LRRC37A2: variants seen among roughly 807,000 people sequenced by gnomAD.
The protein encoded by LRRC37A2 is leucine-rich repeat-containing protein 37A2.
A neutral mutation model predicts 68.8 loss-of-function variants in LRRC37A2; 9 were observed. The ratio of observed to expected loss-of-function variants is 0.13; its 90% confidence interval spans 0.08 to 0.23. The LOEUF is 0.23. Ranked by LOEUF, LRRC37A2 falls within the 10% of genes least tolerant of loss-of-function variation. The pLI is 1.00. For synonymous variants in LRRC37A2, 63 were observed against 367.6 expected (o/e 0.17, Z 9.48); for missense variants, 168 against 950.4 (o/e 0.18, Z 10.82).
chr17:46,755,389 A>G, the LRRC37A2 span: 6 of 1,600,916 alleles, frequency 3.7e-6, no homozygotes, highest in Non-Finnish European at 4.3e-6. Context: ...TACAACATTT[A>G]ATGACCATCA....
chr17:46,834,368 C>T, the LRRC37A2 span, among the ~76,000 whole-genome samples: 7 of 152,182 alleles, frequency 4.6e-5, no homozygotes, highest in Admixed American at 2.6e-4. Flanking sequence ...GGTTCTGCCT[C>T]TGGGAGAGGG....
chr17:46,814,047 C>T, the LRRC37A2 span, among the ~76,000 whole-genome samples: 3 of 152,204 alleles, frequency 2.0e-5, no homozygotes, highest in East Asian at 5.8e-4. Context: ...AAGTCCAGCT[C>T]CTGCCTCTTT....
chr17:46,691,306 A>C, the LRRC37A2 span, among the ~76,000 whole-genome samples: 5 of 76,756 alleles, frequency 6.5e-5, no homozygotes, highest in African/African-American at 2.7e-4. Flanking sequence ...TATTAAAACA[A>C]AGATTAGGCT....
the LRRC37A2 span, chr17:46,884,971 T>C: frequency 2.4e-6 from 1 of 418,612 alleles, no homozygotes; most frequent in South Asian, 1.7e-5. Flanking sequence ...AATAGTTATT[T>C]GCTCCCTCTT....
the LRRC37A2 span, among the ~76,000 whole-genome samples, chr17:46,982,277 C>G: frequency 7.9e-5 from 12 of 152,178 alleles, no homozygotes; most frequent in Non-Finnish European, 1.2e-4. Context: ...AAACCAACCC[C>G]TGGCTTTTGC....
the LRRC37A2 span, among the ~76,000 whole-genome samples, chr17:46,809,667 T>C: frequency 6.6e-6 from 1 of 152,184 alleles, no homozygotes; most frequent in Non-Finnish European, 1.5e-5. Context: ...CATCTTCCCA[T>C]GTGTCCCTGG....
the LRRC37A2 span, among the ~76,000 whole-genome samples, chr17:46,752,934 A>AT: frequency 6.6e-6 from 1 of 151,634 alleles, no homozygotes. Flanking sequence ...TGCCTGGCTA[A>AT]TTTTTTGTAT....
In LRRC37A2 at chr17:46,534,780, A is replaced by G. The variant is rs1320594906; in HGVS notation, c.2907-5396A>G. On this transcript the variant is annotated intron_variant, in intron 6 of 14. Coordinates refer to ENST00000576629, the Ensembl canonical transcript of LRRC37A2. ...CTTCCCAGAAGGGGCAGCCGGGCAG[A>G]GGCGCCCCCCCACCTCCCGGAGGGG... is the stretch of plus-strand genomic sequence containing the variant. 6.1e-5 allele frequency among the ~76,000 whole-genome samples: 9 copies of G among 147,668 alleles called. No individual in the cohort carries two copies. In the East Asian group the frequency reaches 1.2e-3, roughly 20 times the overall value.
At chr17:47,001,645 C>T in the LRRC37A2 span, among the ~76,000 whole-genome samples, 1 of 151,480 alleles carries the variant, frequency 6.6e-6, no homozygotes, top group Non-Finnish European at 1.5e-5. Context: ...GGTGATCCTG[C>T]TTCCTGCCCT....
At chr17:46,461,346 T>C in the LRRC37A2 span, among the ~76,000 whole-genome samples, 1 of 108,778 alleles carries the variant, frequency 9.2e-6, no homozygotes, top group African/African-American at 3.2e-5. Context: ...GAACACATAC[T>C]GTGTGATTCC....
the LRRC37A2 span, among the ~76,000 whole-genome samples, chr17:46,977,014 T>C: frequency 6.6e-6 from 1 of 152,126 alleles, no homozygotes; most frequent in Non-Finnish European, 1.5e-5. Flanking sequence ...AGGTCTGAGA[T>C]TGGGACGACC....
At chr17:46,794,736 T>G in the LRRC37A2 span, among the ~76,000 whole-genome samples, 24 of 147,914 alleles carry the variant, frequency 1.6e-4, no homozygotes, top group African/African-American at 5.8e-4. Context: ...TTTCTTTTCT[T>G]TCTTTCTTTC....
At chr17:46,853,301 G>A in the LRRC37A2 span, among the ~76,000 whole-genome samples, 1 of 145,736 alleles carries the variant, frequency 6.9e-6, no homozygotes. Flanking sequence ...GATTGAGCTA[G>A]TACATGTAAA....
the LRRC37A2 span, chr17:46,940,642 G>A: frequency 1.9e-6 from 3 of 1,613,938 alleles, no homozygotes; most frequent in Middle Eastern, 1.6e-4. Flanking sequence ...CTGGGAGGCA[G>A]AAGTCCCCGC....
At chr17:47,004,241 T>C in the LRRC37A2 span, among the ~76,000 whole-genome samples, 3 of 152,246 alleles carry the variant, frequency 2.0e-5, no homozygotes, top group African/African-American at 7.2e-5. Flanking sequence ...TACCCAGTAA[T>C]GGGATGGCTG....
At chr17:46,768,912 T>C in the LRRC37A2 span, 1 of 1,474,240 alleles carries the variant, frequency 6.8e-7, no homozygotes, top group East Asian at 2.3e-5. The surrounding 1 kb of genome is among the most constrained non-coding windows in gnomAD (Gnocchi z 5.0). Context: ...TCTACTCCTC[T>C]GTGACAGGAA....
chr17:46,473,903 CAAACA>C, the LRRC37A2 span, among the ~76,000 whole-genome samples: 3 of 105,826 alleles, frequency 2.8e-5, no homozygotes, highest in East Asian at 7.2e-4. Context: ...CTCAAACAAA[CAAACA>C]AAACAACGAT....
the LRRC37A2 span, among the ~76,000 whole-genome samples, chr17:46,796,633 G>T: frequency 6.6e-6 from 1 of 152,182 alleles, no homozygotes; most frequent in Admixed American, 6.5e-5. Flanking sequence ...GCCTCATTGG[G>T]TGACAGATCC....
At chr17:47,017,151 A>G in the LRRC37A2 span, 6 of 1,606,992 alleles carry the variant, frequency 3.7e-6, no homozygotes, top group African/African-American at 1.3e-5. Flanking sequence ...ACAGGGCGGG[A>G]CTCACGCTTA....
Sources: allele counts gnomAD v4.1 joint callset (sites outside exome capture counted in the v4.1 genomes callset), GRCh38; gene constraint gnomAD v4.1.1; non-coding constraint Gnocchi (gnomAD v3.1); transcripts MANE v1.5; gene names NCBI Gene and HGNC (gene_info 2026-07-23, HGNC 2026-07-21).